Variants in SUPV3L1 observed in about 807,000 individuals in gnomAD.
SUPV3L1 encodes the protein ATP-dependent RNA helicase SUPV3L1, mitochondrial.
Under a neutral mutation model 70.0 loss-of-function variants are expected in SUPV3L1, and 35 were observed. The ratio of observed to expected loss-of-function variants is 0.50; its 90% CI spans 0.38 to 0.66. SUPV3L1 has a LOEUF of 0.66. Ranked by LOEUF, SUPV3L1 falls within the 30% of genes least tolerant of loss-of-function variation. The pLI is 0.00. For missense variants in SUPV3L1, 777 were observed against 961.5 expected (o/e 0.81, Z 2.54); for synonymous variants, 364 against 341.9 (o/e 1.06, Z -0.71).
At chr10:69,193,607 AC>A (rs1381105927) in intron 6 of SUPV3L1, among the ~76,000 whole-genome samples, 1 of 152,018 alleles carries the variant, frequency 6.6e-6, no homozygotes. Flanking sequence ...AAGAGGTCTC[AC>A]TTTGTTGCCC....
At position 69,202,829 on chromosome 10, in the gene SUPV3L1, T is replaced by G. The variant is rs1842720573; in HGVS notation, c.1600-38T>G. ...TTATTCATTGTTCATTTTAATTCAC[T>G]TAGGCAGTCCAGTAATTTCTGTCTT... On this transcript the variant is annotated intron_variant, in intron 12 of 14. Transcript: ENST00000359655. 2.5e-6 allele frequency: 4 copies of G among 1,584,918 alleles called. No homozygotes were observed. The African/African-American group carries it at 5.4e-5, about 21-fold the overall frequency.
intron 5 of SUPV3L1, among the ~76,000 whole-genome samples, chr10:69,190,888 A>G (rs934314048): frequency 5.9e-5 from 9 of 152,250 alleles, no homozygotes; most frequent in African/African-American, 1.7e-4. Flanking sequence ...TTTAGCACCA[A>G]GAGTCCTCCA....
chr10:69,199,526 T>C (rs4342912), intron 10 of SUPV3L1, among the ~76,000 whole-genome samples: 115,451 of 151,932 alleles, frequency 0.76, 46,016 homozygotes, highest in Non-Finnish European at 0.89. Context: ...GGACCACAGG[T>C]GCACACCACA....
chr10:69,197,123 A>G, intron 8 of SUPV3L1, 40 bp downstream of exon 8: 5 of 1,574,630 alleles, frequency 3.2e-6, no homozygotes, highest in Non-Finnish European at 4.4e-6. Flanking sequence ...TGGCATATCA[A>G]ATAGTCCAGA....
chr10:69,195,905 CT>C (rs1285737731), intron 7 of SUPV3L1, among the ~76,000 whole-genome samples: 1 of 151,940 alleles, frequency 6.6e-6, no homozygotes, highest in African/African-American at 2.4e-5. Context: ...AACATGCCCC[CT>C]GGTTAACTTT....
intron 6 of SUPV3L1, chr10:69,192,928 G>A (rs144136822): frequency 1.5e-4 from 23 of 152,270 alleles, no homozygotes; most frequent in Middle Eastern, 3.4e-3. Flanking sequence ...GCCCGGACTG[G>A]TCTCTAATTC....
chr10:69,186,482 A>T lies in SUPV3L1; in HGVS notation c.389A>T (p.Tyr130Phe). 1.2e-6 allele frequency: 2 copies of T among 1,614,014 alleles called. No homozygotes were observed. The highest frequency in any genetic ancestry group is 1.7e-6 in the Non-Finnish European group (2 of 1,179,978). The change falls in exon 3 of 15, where the codon TAT becomes TTT. Residue 130 changes from tyrosine to phenylalanine, a missense_variant. By Grantham distance (22) the Tyr-to-Phe change is conservative. Coordinates refer to ENST00000359655, the MANE Select transcript of SUPV3L1 (RefSeq NM_003171.5). ...FHQAFISFRNYIMQSHSLDVD... is the reference protein window; with the variant it reads ...FHQAFISFRNFIMQSHSLDVD... Reference sequence around the variant, plus strand: ...CAAGCTTTCATAAGCTTTAGAAATTATATTATGCAGTCTCATTCCCTGGAT... The same window carrying T: ...CAAGCTTTCATAAGCTTTAGAAATTTTATTATGCAGTCTCATTCCCTGGAT...
intron 10 of SUPV3L1, 70 bp from the exon 11 acceptor site, chr10:69,200,210 A>G (rs1842649286): frequency 7.8e-7 from 1 of 1,283,814 alleles, no homozygotes; most frequent in Non-Finnish European, 1.1e-6. Flanking sequence ...TGGAGTGAGC[A>G]TTATGCAATG....
chr10:69,205,902 T>G (rs1475782952), intron 13 of SUPV3L1, among the ~76,000 whole-genome samples: 1 of 152,190 alleles, frequency 6.6e-6, no homozygotes, highest in African/African-American at 2.4e-5. Flanking sequence ...TTCCTGATCT[T>G]TGTCATTACT....
At chr10:69,189,514 AATTTACTGTTAACAAGAAATT>A (rs1481398294) in intron 5 of SUPV3L1, 79 bp downstream of exon 5, 27 of 1,409,766 alleles carry the variant, frequency 1.9e-5, no homozygotes, top group Non-Finnish European at 1.6e-5. Context: ...TGTTTGTAGT[AATTTACTGTTAACAAGAAATT>A]ACCATATTTC....
chr10:69,199,427 G>A (rs116487089), intron 10 of SUPV3L1, among the ~76,000 whole-genome samples: 1,708 of 152,242 alleles, frequency 0.011, 24 homozygotes, highest in African/African-American at 0.038. Flanking sequence ...TTTTACCCAC[G>A]CTGGAGTGCA....
chr10:69,195,218 T>C lies in SUPV3L1; in HGVS notation c.884T>C (p.Met295Thr). ...GTGGCTGTAATTGATGAAATTCAAA[T>C]GATTAGAGATCCAGCCAGAGGATGG... is the stretch of plus-strand genomic sequence containing the variant. ...YEVAVIDEIQ[M>T]IRDPARGWAW... The change falls in exon 7 of 15, where the codon ATG becomes ACG. Residue 295 changes from methionine to threonine, a missense_variant. Coordinates refer to ENST00000359655, the MANE Select transcript of SUPV3L1 (RefSeq NM_003171.5). 6.2e-7 allele frequency: 1 copy of C among 1,613,426 alleles called. No homozygotes were observed. The highest frequency in any genetic ancestry group is 8.5e-7 in the Non-Finnish European group (1 of 1,179,746).
At chr10:69,182,764 A>T (rs2132262194) in intron 1 of SUPV3L1, 1 of 791,252 alleles carries the variant, frequency 1.3e-6, no homozygotes. Context: ...CTACACTCTG[A>T]TATAGCCATG....
At chr10:69,205,536 G>A (rs902417218) in intron 13 of SUPV3L1, among the ~76,000 whole-genome samples, 1 of 152,052 alleles carries the variant, frequency 6.6e-6, no homozygotes, top group Non-Finnish European at 1.5e-5. Context: ...CATGATGCGT[G>A]GTGTGTTTTC....
chr10:69,186,150 T>C, intron 2 of SUPV3L1, 86 bp downstream of exon 2: 1 of 1,211,564 alleles, frequency 8.3e-7, no homozygotes, highest in South Asian at 1.3e-5. Context: ...TCATGTGACC[T>C]GGCTGTTGTA....
intron 2 of SUPV3L1, 25 bp downstream of exon 2, chr10:69,186,089 A>T: frequency 7.5e-6 from 12 of 1,598,952 alleles, no homozygotes; most frequent in Non-Finnish European, 9.4e-6. Flanking sequence ...ATCTTCATAG[A>T]GGTATTTTAT....
chr10:69,203,713 T>A (rs769877407), intron 13 of SUPV3L1, among the ~76,000 whole-genome samples: 16 of 151,592 alleles, frequency 1.1e-4, no homozygotes, highest in East Asian at 1.9e-4. Flanking sequence ...ACAATACTTT[T>A]ATTTAATTTA....
chr10:69,193,356 A>C (rs1436772328), intron 6 of SUPV3L1: 1 of 152,196 alleles, frequency 6.6e-6, no homozygotes, highest in East Asian at 1.9e-4. Flanking sequence ...ATTATAAAGT[A>C]ATATATTGTA....
At chr10:69,203,261 A>G (rs1239308470) in intron 13 of SUPV3L1, among the ~76,000 whole-genome samples, 1 of 152,206 alleles carries the variant, frequency 6.6e-6, no homozygotes, top group African/African-American at 2.4e-5. Flanking sequence ...GCACCATGCC[A>G]GGGTTCTAGC....
Sources: gnomAD v4.1 joint callset for allele counts (sites outside exome capture counted in the v4.1 genomes callset) on GRCh38, gnomAD v4.1.1 for gene constraint, MANE v1.5 for transcripts, NCBI Gene and HGNC (gene_info 2026-07-23, HGNC 2026-07-21) for gene names.